The following G6PD variants were observed in gnomAD, a reference collection of about 807,000 sequenced individuals.
G6PD encodes glucose-6-phosphate 1-dehydrogenase.
Under a neutral mutation model 38.2 loss-of-function variants are expected in G6PD, and 2 were observed. The observed-to-expected ratio is 0.05, with a 90% confidence interval of 0.02 to 0.16. The LOEUF is 0.16. G6PD is among the 10% of genes least tolerant of loss of function. The pLI, the probability that G6PD is intolerant of heterozygous loss-of-function variation, is 1.00. For missense variants in G6PD, 310 were observed against 471.6 expected (o/e 0.66, Z 3.17); for synonymous variants, 188 against 196.0 (o/e 0.96, Z 0.34).
At chrX:154,538,318 G>A (rs1361329855) in intron 2 of G6PD, among the ~76,000 whole-genome samples, 8 of 111,880 alleles carry the variant, frequency 7.2e-5, no homozygotes, top group African/African-American at 2.6e-4. Context: ...TAAAAAAAAA[G>A]AAGAAAACAT....
At chrX:154,546,647 G>T in intron 1 of G6PD, 142 bp downstream of exon 1, 1 of 515,062 alleles carries the variant, frequency 1.9e-6, no homozygotes, top group Non-Finnish European at 3.1e-6. Flanking sequence ...GAGAGGAGGT[G>T]CGGGGTATAA....
upstream of G6PD, chrX:154,546,919 C>G (rs1357911756): frequency 2.4e-5 from 17 of 703,187 alleles, no homozygotes; most frequent in Non-Finnish European, 3.2e-5. Flanking sequence ...GGACCCGCCT[C>G]AGGCGAGGCG....
At chrX:154,534,925 C>G in intron 5 of G6PD, 2 of 437,349 alleles carry the variant, frequency 4.6e-6, no homozygotes, top group East Asian at 7.6e-5. Context: ...AACCACCCAG[C>G]GCGGGCCATG....
In G6PD at chrX:154,534,384, C is replaced by T. The variant is rs782514319; in HGVS notation, c.598G>A (p.Asp200Asn). Residue 200 changes from aspartate (D) to asparagine (N), a missense_variant, in exon 6 of 13, where the codon GAC becomes AAC. Asp to Asn is a conservative substitution (Grantham distance 23). Transcript: ENST00000393562. Reference protein sequence around the residue: ...LFREDQIYRIDHYLGKEMVQN... With the variant: ...LFREDQIYRINHYLGKEMVQN... The stretch of plus-strand genomic sequence containing the variant: ...ACCATCTCCTTGCCCAGGTAGTGGT[C>T]GATGCGGTAGATCTGGTCCTCACGG... 8.3e-7 allele frequency: 1 copy of T among 1,211,505 alleles called. No homozygotes were observed. Among genetic ancestry groups the T allele is most frequent in the Non-Finnish European group, 1.1e-6 (1 of 895,370 alleles).
intron 2 of G6PD, among the ~76,000 whole-genome samples, chrX:154,536,841 G>A (rs902392848): frequency 1.8e-5 from 2 of 110,997 alleles, no homozygotes; most frequent in Non-Finnish European, 3.8e-5. Context: ...CAAAAAAAAA[G>A]TGAGAAAAAG....
chrX:154,537,445 G>A (rs1047496188), intron 2 of G6PD, among the ~76,000 whole-genome samples: 1 of 111,647 alleles, frequency 9.0e-6, no homozygotes, highest in Non-Finnish European at 1.9e-5. Context: ...TGGAGAAACC[G>A]TTTCTACTAA....
Position 154,532,199 on chromosome X carries a change from A to G in G6PD, c.1446T>C (p.Tyr482=), listed in dbSNP as rs781909508. 8.3e-6 allele frequency: 10 copies of G among 1,210,656 alleles called. No homozygotes were observed. The highest frequency in any genetic ancestry group is 1.1e-5 in the Non-Finnish European group (10 of 895,085). The change falls in exon 12 of 13, where the codon TAT becomes TAC. Residue 482 remains tyrosine, a synonymous_variant. Transcript: ENST00000393562. ...IELEKPKPIP[Y]IYGSRGPTEA... is the part of the protein sequence containing the mutation. ...CACCCTTTCCTCACCTGCCATAAAT[A>G]TAGGGGATGGGCTTGGGCTTCTCCA...
At chrX:154,547,358 C>T (rs987909156), upstream of G6PD, 3 of 754,321 alleles carry the variant, frequency 4.0e-6, no homozygotes, top group Admixed American at 8.5e-5. Context: ...ATTCCTCCCC[C>T]GGAGAGGGCG....
Position 154,546,641 on chromosome X carries a change from G to C in G6PD, c.-9+148C>G, listed in dbSNP as rs2070727021. 9 of 498,520 alleles carry C rather than the reference G, an allele frequency of 1.8e-5. No individual in the cohort carries two copies. In the South Asian group the frequency reaches 2.7e-4, roughly 15 times the overall value. The allele number at this position is 498,520 out of a possible 1,213,427, so 41.1% of individuals were successfully genotyped here. On this transcript the variant is annotated intron_variant, in intron 1 of 12. Transcript: ENST00000393562. ...CTCGGGGTCTCAGGGGCTCAAGAGA[G>C]GAGGTGCGGGGTATAAAGGGATTGG...
At chrX:154,538,324 A>G (rs909934265) in intron 2 of G6PD, among the ~76,000 whole-genome samples, 1 of 112,342 alleles carries the variant, frequency 8.9e-6, no homozygotes, top group Non-Finnish European at 1.9e-5. Flanking sequence ...AAAAGAAGAA[A>G]ACATCAGCAA....
chrX:154,534,564 T>A, intron 5 of G6PD, 68 bp from the exon 6 acceptor site: 1 of 1,169,422 alleles, frequency 8.6e-7, no homozygotes, highest in Non-Finnish European at 1.2e-6. Context: ...CAGAGCTGCA[T>A]CATTCAGACG....
At chrX:154,539,270 G>T (rs914759236) in intron 2 of G6PD, among the ~76,000 whole-genome samples, 2 of 111,850 alleles carry the variant, frequency 1.8e-5, no homozygotes, top group Non-Finnish European at 3.8e-5. Context: ...TCAAACACTT[G>T]AATTAACATG....
chrX:154,532,343 C>T (rs1557229558), intron 11 of G6PD, 43 bp downstream of exon 11: 1 of 1,207,044 alleles, frequency 8.3e-7, no homozygotes, highest in Non-Finnish European at 1.1e-6. Flanking sequence ...CAAAGGCCAC[C>T]CCATAGCCCA....
Position 154,535,984 on chromosome X carries a change from G to A in G6PD, c.220C>T (p.Arg74Cys), listed in dbSNP as rs781848254. The A allele has an allele frequency of 1.9e-5, 23 of 1,210,289 alleles. No homozygotes were observed. Among genetic ancestry groups the A allele is most frequent in the South Asian group, 7.0e-5 (4 of 56,869 alleles). The change falls in exon 4 of 13, where the codon CGC (arginine) becomes TGC (cysteine). Residue 74 changes from arginine (R) to cysteine (C), a missense_variant. By Grantham distance (180) the Arg-to-Cys change is radical (BLOSUM62 -3). This residue lies in a region of G6PD where 17 missense variants were observed against 40.8 expected (regional missense o/e 0.42). Transcript: ENST00000393562. ...TTGCGGATGTCAGCCACTGTGAGGC[G>A]GGAACGGGCATAGCCCACGATGAAG... ...NTFIVGYARSRLTVADIRKQS... is the reference protein window; with the variant it reads ...NTFIVGYARSCLTVADIRKQS...
upstream of G6PD, chrX:154,547,465 T>C (rs2148356193): frequency 1.3e-6 from 1 of 754,185 alleles, no homozygotes; most frequent in Non-Finnish European, 1.6e-6. Context: ...TGCTTATCAT[T>C]ACCGAGCTTC....
At chrX:154,535,123 G>A in intron 5 of G6PD, 45 bp downstream of exon 5, 1 of 1,145,272 alleles carries the variant, frequency 8.7e-7, no homozygotes, top group Non-Finnish European at 1.2e-6. Context: ...AGCACTGCCT[G>A]GGCCAGCCTG....
chrX:154,536,117 G>A (rs1331374958), intron 3 of G6PD, 24 bp downstream of exon 3: 2 of 1,209,396 alleles, frequency 1.7e-6, no homozygotes, highest in Admixed American at 2.2e-5. Context: ...GGAGGTCACA[G>A]GGGCAGTGGT....
intron 2 of G6PD, among the ~76,000 whole-genome samples, chrX:154,543,796 C>T (rs901919697): frequency 2.7e-5 from 3 of 109,945 alleles, no homozygotes; most frequent in Admixed American, 9.7e-5. Flanking sequence ...TGGGTTCAAG[C>T]GATTTTCCTG....
chrX:154,542,334 G>C, intron 2 of G6PD: 10 of 1,196,187 alleles, frequency 8.4e-6, no homozygotes, highest in Non-Finnish European at 1.1e-5. Context: ...ATCAATCCCA[G>C]TCTCTTCCCC....
Sources: gnomAD v4.1 joint callset for allele counts (sites outside exome capture counted in the v4.1 genomes callset) on GRCh38, gnomAD v4.1.1 for gene constraint, gnomAD v4.1.1 regional missense constraint, MANE v1.5 for transcripts, NCBI Gene and HGNC (gene_info 2026-07-23, HGNC 2026-07-21) for gene names.